RHBDF1: variants seen among roughly 807,000 people sequenced by gnomAD.
RHBDF1 encodes the protein rhomboid 5 homolog 1, also known as inactive rhomboid protein 1.
A neutral mutation model predicts 98.6 loss-of-function variants in RHBDF1; 80 were observed. The observed-to-expected ratio is 0.81, with a 90% CI of 0.68 to 0.98. RHBDF1 has a LOEUF of 0.98. RHBDF1 is among the 50% of genes least tolerant of loss of function. RHBDF1 has a pLI of 0.00. For synonymous variants in RHBDF1, 512 were observed against 486.8 expected, an observed-to-expected ratio of 1.05 and a Z score of -0.68; for missense variants, 1,116 against 1,198.3, an observed-to-expected ratio of 0.93 and a Z score of 1.01.
upstream of RHBDF1, among the ~76,000 whole-genome samples, chr16:73,449 G>T (rs1345561801): frequency 5.3e-5 from 8 of 152,116 alleles, no homozygotes; most frequent in African/African-American, 1.7e-4. Flanking sequence ...GCCACCCCGG[G>T]GTGGGCTCAT....
At chr16:65,444 A>C (rs1897804101) in intron 1 of RHBDF1, among the ~76,000 whole-genome samples, 1 of 152,224 alleles carries the variant, frequency 6.6e-6, no homozygotes, top group Non-Finnish European at 1.5e-5. Context: ...CGGGGGAAGC[A>C]AACTAGGGTT....
At position 58,507 on chromosome 16, in the gene RHBDF1, G is replaced by A. The variant is rs771515428; in HGVS notation, c.2401C>T (p.Arg801Cys). 61 of 1,613,998 alleles carry A rather than the reference G, an allele frequency of 3.8e-5. No individual in the cohort carries two copies. The highest frequency in any genetic ancestry group is 4.7e-5 in the Non-Finnish European group (55 of 1,180,050). The change falls in exon 18 of 18, where the codon CGC (arginine) becomes TGC (cysteine). Residue 801 changes from arginine to cysteine, a missense_variant. By Grantham distance (180) the Arg-to-Cys change is radical. Coordinates refer to ENST00000262316, the MANE Select transcript of RHBDF1 (RefSeq NM_022450.5). The part of the protein sequence containing the change: ...SFGKFDLYRK[R>C]CQIIIFQVVF... Reference sequence around the variant, plus strand: ...ACCTGAAAGATGATGATCTGGCAGCGTTTCCGGTACAGGTCGAACTTGCCA... The same window carrying A: ...ACCTGAAAGATGATGATCTGGCAGCATTTCCGGTACAGGTCGAACTTGCCA...
rs576440900 is a variant in RHBDF1 at position 58,262 on chromosome 16, G to A, written c.*78C>T. 33 of 1,442,872 alleles carry A rather than the reference G, an allele frequency of 2.3e-5. 1 individual carries two copies. In the African/African-American group the frequency reaches 3.8e-4, roughly 17 times the overall value. 89.4% of individuals were successfully genotyped at this position (1,442,872 alleles called of 1,614,324 possible). A position where few individuals can be genotyped will look rare whatever the true frequency, so the allele number is the denominator to read the frequency against. On this transcript the variant is annotated 3_prime_UTR_variant, in exon 18 of 18. Transcript: ENST00000262316. The stretch of plus-strand genomic sequence containing the variant: ...TCCCCACATGGAGCAGGTGACTCCT[G>A]TAAGCCTGTGAGGCTCAGGGAGGTC...
At chr16:60,656 C>T (rs1194882058) in intron 11 of RHBDF1, 117 bp from the exon 12 acceptor site, 6 of 691,058 alleles carry the variant, frequency 8.7e-6, no homozygotes, top group Non-Finnish European at 1.5e-5. Flanking sequence ...TACAAGTCAC[C>T]CCCACTCTTG....
At chr16:68,916 A>C (rs1174240880) in intron 1 of RHBDF1, among the ~76,000 whole-genome samples, 1 of 152,182 alleles carries the variant, frequency 6.6e-6, no homozygotes, top group Non-Finnish European at 1.5e-5. Flanking sequence ...CACTGGGGAC[A>C]GCCCAGGCTG....
intron 11 of RHBDF1, 133 bp from the exon 12 acceptor site, chr16:60,672 C>A: frequency 1.6e-6 from 1 of 628,206 alleles, no homozygotes; most frequent in Non-Finnish European, 2.8e-6. Flanking sequence ...TCTTGAGATG[C>A]ACGTGCATGT....
Position 63,614 on chromosome 16 carries a change from C to A in RHBDF1, c.435G>T (p.Val145=), listed in dbSNP as rs1486294525. Residue 145 remains valine, a synonymous_variant, in exon 4 of 18, where the codon GTG becomes GTT. Transcript: ENST00000262316. ...TSTETPPPLY[V]GPCQLGMQKI... ...TCTGCATGCCCAGCTGGCATGGCCCCACGTAGAGTGGGGGTGGCGTCTCGG... is the reference window on the plus strand; with the variant it reads ...TCTGCATGCCCAGCTGGCATGGCCCAACGTAGAGTGGGGGTGGCGTCTCGG... 6.3e-7 allele frequency: 1 copy of A among 1,579,696 alleles called. No individual in the cohort carries two copies. Among genetic ancestry groups the A allele is most frequent in the East Asian group, 2.2e-5 (1 of 44,526 alleles).
upstream of RHBDF1, among the ~76,000 whole-genome samples, chr16:72,804 G>C (rs1216535661): frequency 2.0e-5 from 3 of 152,158 alleles, no homozygotes; most frequent in African/African-American, 7.2e-5. Context: ...CCTGGGGCTG[G>C]GGTCTCCAGC....
At chr16:63,243 C>T in intron 4 of RHBDF1, 61 bp from the exon 5 acceptor site, 1 of 1,391,816 alleles carries the variant, frequency 7.2e-7, no homozygotes, top group Middle Eastern at 2.4e-4. Context: ...CACCCAGAGG[C>T]ACAGAGGCCT....
At chr16:61,758 G>A in intron 8 of RHBDF1, 40 bp downstream of exon 8, 1 of 1,612,380 alleles carries the variant, frequency 6.2e-7, no homozygotes, top group Non-Finnish European at 8.5e-7. Context: ...CCTCCCCCGG[G>A]AGCCTCCATC....
chr16:61,492 C>G, intron 9 of RHBDF1, 33 bp from the exon 10 acceptor site: 1 of 1,612,162 alleles, frequency 6.2e-7, no homozygotes, highest in Non-Finnish European at 8.5e-7. Context: ...CAGACGGGCC[C>G]CGACTCTGGC....
intron 11 of RHBDF1, 184 bp from the exon 12 acceptor site, chr16:60,723 G>A (rs959165452): frequency 5.1e-6 from 3 of 586,802 alleles, no homozygotes; most frequent in Non-Finnish European, 9.1e-6. Context: ...CATAATTCCT[G>A]TTAGCTGAAA....
At chr16:59,531 T>A (rs1292633638) in intron 14 of RHBDF1, 37 bp from the exon 15 acceptor site, 4 of 1,595,036 alleles carry the variant, frequency 2.5e-6, no homozygotes, top group Non-Finnish European at 3.4e-6. Context: ...ACTGCTGCCT[T>A]GCAGAGGGGG....
intron 1 of RHBDF1, among the ~76,000 whole-genome samples, chr16:70,405 G>A (rs1897940893): frequency 6.6e-6 from 1 of 152,212 alleles, no homozygotes; most frequent in South Asian, 2.1e-4. Context: ...AGGTGTCCCT[G>A]ACTGACCCTA....
chr16:71,402 C>T (rs1285512765), intron 1 of RHBDF1, among the ~76,000 whole-genome samples: 1 of 152,232 alleles, frequency 6.6e-6, no homozygotes, highest in African/African-American at 2.4e-5. Context: ...CCTTGAGCCC[C>T]AGCCAGCTGC....
chr16:65,819 C>T (rs11646266), intron 1 of RHBDF1, among the ~76,000 whole-genome samples: 54,443 of 152,190 alleles, frequency 0.36, 11,063 homozygotes, highest in East Asian at 0.63. Context: ...TTCCAGAAAC[C>T]ACCCGGGCGC....
Position 58,538 on chromosome 16 carries a change from G to A in RHBDF1, c.2370C>T (p.Ile790=), listed in dbSNP as rs763695736. The A allele has an allele frequency of 3.1e-6, 5 of 1,614,080 alleles. No homozygotes were observed. The Admixed American group carries it at 6.7e-5, about 22-fold the overall frequency. The change falls in exon 18 of 18, where the codon ATC becomes ATT. Residue 790 remains isoleucine, a synonymous_variant. Transcript: ENST00000262316. ...GGTACAGGTCGAACTTGCCAAAGCTGATGTAGGGCAAGAAGGCGAAGGAGA... is the reference window on the plus strand; with the variant it reads ...GGTACAGGTCGAACTTGCCAAAGCTAATGTAGGGCAAGAAGGCGAAGGAGA... ...LFLSFAFLPY[I]SFGKFDLYRK... is the part of the protein sequence containing the mutation.
intron 11 of RHBDF1, 26 bp from the exon 12 acceptor site, chr16:60,565 G>T: frequency 6.3e-7 from 1 of 1,581,706 alleles, no homozygotes; most frequent in Middle Eastern, 1.7e-4. Flanking sequence ...ACAGGGTCAG[G>T]TCCAGTTGGG....
upstream of RHBDF1, chr16:73,862 C>A: frequency 2.2e-6 from 2 of 891,346 alleles, no homozygotes; most frequent in Non-Finnish European, 2.7e-6. Flanking sequence ...CAATGGCCTG[C>A]TCCTTGGCTA....
Sources: gnomAD v4.1 joint callset for allele counts (sites outside exome capture counted in the v4.1 genomes callset) on GRCh38, gnomAD v4.1.1 for gene constraint, MANE v1.5 for transcripts, NCBI Gene and HGNC (gene_info 2026-07-23, HGNC 2026-07-21) for gene names.